Variants in AP1AR observed in about 807,000 individuals in gnomAD.
AP1AR encodes the protein adaptor related protein complex 1 associated regulatory protein, also known as AP-1 complex-associated regulatory protein.
A neutral mutation model predicts 46.3 loss-of-function variants in AP1AR; 29 were observed. That is an observed-to-expected ratio of 0.63 (90% confidence interval 0.47 to 0.85). AP1AR has a LOEUF of 0.85. Ranked by LOEUF, AP1AR falls within the 40% of genes least tolerant of loss-of-function variation. The probability of loss-of-function intolerance (pLI) is 0.00; values close to 1 mark genes in which losing one functional copy is unlikely to be tolerated. For synonymous variants in AP1AR, 122 were observed against 122.9 expected (o/e 0.99, Z 0.05); for missense variants, 357 against 356.3 (o/e 1.00, Z -0.02).
At position 112,269,271 on chromosome 4, in the gene AP1AR, A is replaced by C. The variant is rs1327665749; in HGVS notation, c.*862A>C. 2 of 152,316 alleles carry C rather than the reference A, an allele frequency of 1.3e-5. No homozygotes were observed. The highest frequency in any genetic ancestry group is 1.9e-4 in the East Asian group (1 of 5,196). 9.4% of individuals were successfully genotyped at this position (152,316 alleles called of 1,614,324 possible). ...TTCTCTGCATGATTTCAGAAAAGAAAATCTAAAAAGGTAATACGGGTATTT... is the reference window on the plus strand; with the variant it reads ...TTCTCTGCATGATTTCAGAAAAGAACATCTAAAAAGGTAATACGGGTATTT... On this transcript the variant is annotated 3_prime_UTR_variant, in exon 10 of 10. Coordinates refer to ENST00000274000, the MANE Select transcript of AP1AR (RefSeq NM_018569.6).
At chr4:112,244,662 T>C (rs1002813789) in intron 1 of AP1AR, among the ~76,000 whole-genome samples, 4 of 152,108 alleles carry the variant, frequency 2.6e-5, no homozygotes, top group African/African-American at 9.7e-5. Flanking sequence ...TAGTCTCCTG[T>C]CAGTAATAAT....
Position 112,232,006 on chromosome 4 carries a change from C to T in AP1AR, c.-86C>T, listed in dbSNP as rs1316574835. The T allele has an allele frequency of 8.1e-7, 1 of 1,232,672 alleles. No individual in the cohort carries two copies. The highest frequency in any genetic ancestry group is 1.0e-6 in the Non-Finnish European group (1 of 957,778). 76.4% of individuals were successfully genotyped at this position (1,232,672 alleles called of 1,614,324 possible). ...TCGGTCCTTGAACCCCATTTCGGCTCGTGCCGTGCGGATGCAGCTGCCGGG... is the reference window on the plus strand; with the variant it reads ...TCGGTCCTTGAACCCCATTTCGGCTTGTGCCGTGCGGATGCAGCTGCCGGG... On this transcript the variant is annotated 5_prime_UTR_variant, in exon 1 of 10. Transcript: ENST00000274000.
intron 3 of AP1AR, among the ~76,000 whole-genome samples, chr4:112,256,144 A>T (rs953275353): frequency 2.0e-5 from 3 of 152,224 alleles, no homozygotes; most frequent in Non-Finnish European, 2.9e-5. Context: ...AAACTGAATT[A>T]TTTAAACTTG....
chr4:112,260,718 T>A, intron 4 of AP1AR, 48 bp from the exon 5 acceptor site: 1 of 1,259,582 alleles, frequency 7.9e-7, no homozygotes, highest in Non-Finnish European at 1.1e-6. Flanking sequence ...CTTAGACTCA[T>A]CAGAAGTTTT....
chr4:112,255,205 A>G lies in AP1AR; in HGVS notation c.159+432A>G, dbSNP rs111548394. On this transcript the variant is annotated intron_variant, in intron 3 of 9. Coordinates refer to ENST00000274000, the MANE Select transcript of AP1AR (RefSeq NM_018569.6). The stretch of plus-strand genomic sequence containing the variant: ...CGATCTCCTGACCTCGTGATCCGCC[A>G]GCCTCGGCCTCCCAAAGTGCTGGGA... Among the ~76,000 whole-genome samples, 1,020 of 152,104 alleles carry G rather than the reference A, an allele frequency of 6.7e-3. 8 individuals are homozygous for G. Among genetic ancestry groups the G allele is most frequent in the African/African-American group, 0.023 (955 of 41,510 alleles).
rs1337453577 is a variant in AP1AR at position 112,232,177 on chromosome 4, A to G, written c.83+3A>G. 2 of 1,274,188 alleles carry G rather than the reference A, an allele frequency of 1.6e-6. No individual in the cohort carries two copies. Among genetic ancestry groups the G allele is most frequent in the Non-Finnish European group, 2.0e-6 (2 of 1,002,144 alleles). The allele number at this position is 1,274,188 out of a possible 1,614,324, so 78.9% of individuals were successfully genotyped here. A position where few individuals can be genotyped will look rare whatever the true frequency, so the allele number is the denominator to read the frequency against. ...CAGCGAGTAGGCGGCGGCGGAGGGT[A>G]AGCCCGCTGGGGGAGGGGCCCGGCC... On this transcript the variant is annotated splice_donor_region_variant and intron_variant, in intron 1 of 9. Transcript: ENST00000274000.
intron 1 of AP1AR, among the ~76,000 whole-genome samples, chr4:112,248,529 G>A (rs369922720): frequency 6.6e-6 from 1 of 152,102 alleles, no homozygotes; most frequent in East Asian, 1.9e-4. Flanking sequence ...AAACAAAAAG[G>A]AGTATAGTAT....
rs1726998769 is a variant in AP1AR at position 112,272,579 on chromosome 4, A to AAAT, written c.*4172_*4174dup. Among the ~76,000 whole-genome samples the AAAT allele has an allele frequency of 6.6e-6, 1 of 152,198 alleles. No individual in the cohort carries two copies. Among genetic ancestry groups the AAAT allele is most frequent in the African/African-American group, 2.4e-5 (1 of 41,440 alleles). On this transcript the variant is annotated 3_prime_UTR_variant, in exon 10 of 10. Transcript: ENST00000274000. ...ACAGGGAGGGAAGAGATGGGGAAAA[A>AAAT]AATAGGAAATAATAAATCTCTAAGA... is the stretch of plus-strand genomic sequence containing the variant.
At chr4:112,237,353 G>A (rs376379866) in intron 1 of AP1AR, among the ~76,000 whole-genome samples, 64 of 152,090 alleles carry the variant, frequency 4.2e-4, no homozygotes, top group African/African-American at 1.5e-3. Flanking sequence ...TGATCCCCCC[G>A]TCTCGGCCTC....
intron 1 of AP1AR, among the ~76,000 whole-genome samples, chr4:112,241,676 A>G (rs941837010): frequency 3.9e-5 from 6 of 152,254 alleles, no homozygotes; most frequent in Non-Finnish European, 5.9e-5. Flanking sequence ...ATATCTGGGC[A>G]TCTGGTGACC....
rs899997263 is a variant in AP1AR, at chr4:112,265,742, C to G, written c.449C>G (p.Pro150Arg). 9 of 1,608,602 alleles carry G rather than the reference C, an allele frequency of 5.6e-6. No individual in the cohort carries two copies. Among genetic ancestry groups the G allele is most frequent in the Non-Finnish European group, 6.8e-6 (8 of 1,176,960 alleles). ...SNNGEYQSSG[P>R]EDDFESCLRN... ...TTTCACTTTTATTACAGTTCAGGAC[C>G]AGAAGATGACTTCGAATCTTGTTTG... is the stretch of plus-strand genomic sequence containing the variant. Residue 150 changes from proline (P) to arginine (R), a missense_variant, in exon 8 of 10, where the codon CCA becomes CGA. By Grantham distance (103) the Pro-to-Arg change is moderately radical. Around this residue, in one of 2 missense-constraint regions of AP1AR, gnomAD observed 269 missense variants for 223.6 expected, o/e 1.20. Transcript: ENST00000274000.
chr4:112,265,840 A>G (rs539529426), intron 8 of AP1AR, 33 bp downstream of exon 8: 1 of 1,382,300 alleles, frequency 7.2e-7, no homozygotes, highest in African/African-American at 1.4e-5. Context: ...TGTACTTTTT[A>G]TGCCACAGTA....
chr4:112,244,898 C>T (rs553817037), intron 1 of AP1AR, among the ~76,000 whole-genome samples: 100 of 152,190 alleles, frequency 6.6e-4, no homozygotes, highest in African/African-American at 2.4e-3. Context: ...AATATGAAAG[C>T]GGAGAATACT....
intron 1 of AP1AR, 66 bp downstream of exon 1, chr4:112,232,240 C>A: frequency 8.1e-7 from 1 of 1,230,656 alleles, no homozygotes; most frequent in South Asian, 3.2e-5. Flanking sequence ...GCGGGGAATC[C>A]CTTTCACCGT....
At chr4:112,235,193 TC>T (rs1725187522) in intron 1 of AP1AR, among the ~76,000 whole-genome samples, 1 of 152,212 alleles carries the variant, frequency 6.6e-6, no homozygotes, top group African/African-American at 2.4e-5. Flanking sequence ...GCCAACACTT[TC>T]TACAGGGCTC....
At chr4:112,242,873 G>A (rs1204012584) in intron 1 of AP1AR, among the ~76,000 whole-genome samples, 2 of 152,214 alleles carry the variant, frequency 1.3e-5, no homozygotes, top group Non-Finnish European at 2.9e-5. Flanking sequence ...TTTAGAGACA[G>A]CTCACAGGAC....
chr4:112,266,228 G>T (rs753977119), intron 8 of AP1AR, among the ~76,000 whole-genome samples: 1 of 151,766 alleles, frequency 6.6e-6, no homozygotes, highest in Non-Finnish European at 1.5e-5. Context: ...GCATAGTATG[G>T]TAGTGGTTCC....
chr4:112,256,184 G>A (rs987232464), intron 3 of AP1AR, among the ~76,000 whole-genome samples: 2 of 151,984 alleles, frequency 1.3e-5, no homozygotes, highest in African/African-American at 4.8e-5. Flanking sequence ...AATTAACGTG[G>A]GTAAAAATCC....
chr4:112,246,215 A>G (rs1725720695), intron 1 of AP1AR, among the ~76,000 whole-genome samples: 1 of 152,144 alleles, frequency 6.6e-6, no homozygotes, highest in Non-Finnish European at 1.5e-5. Flanking sequence ...CCATTAATAT[A>G]TAATTTTAGG....
Sources: allele counts gnomAD v4.1 joint callset (sites outside exome capture counted in the v4.1 genomes callset), GRCh38; gene constraint gnomAD v4.1.1; regional missense constraint gnomAD v4.1.1; transcripts MANE v1.5; gene names NCBI Gene and HGNC (gene_info 2026-07-23, HGNC 2026-07-21).